The following ANKHD1 variants were observed in gnomAD, a reference collection of about 807,000 sequenced individuals.
The protein encoded by ANKHD1 is ankyrin repeat and KH domain containing 1, also known as ankyrin repeat and KH domain-containing protein 1.
A neutral mutation model predicts 230.5 loss-of-function variants in ANKHD1; 31 were observed. The observed-to-expected ratio is 0.13, with a 90% CI of 0.10 to 0.18. The LOEUF (loss-of-function observed/expected upper bound fraction) is 0.18, where lower values mean the gene tolerates loss of function less well. Among genes scored for constraint, ANKHD1 ranks in the 10% least tolerant of loss-of-function variants. The pLI is 1.00. For missense variants in ANKHD1, 2,256 were observed against 3,071.3 expected, an observed-to-expected ratio of 0.73 and a Z score of 6.27; for synonymous variants, 1,074 against 1,117.6, an observed-to-expected ratio of 0.96 and a Z score of 0.78.
At chr5:140,437,156 A>G (rs2126913031) in intron 2 of ANKHD1, among the ~76,000 whole-genome samples, 1 of 152,274 alleles carries the variant, frequency 6.6e-6, no homozygotes, top group South Asian at 2.1e-4. Flanking sequence ...CATATAATTT[A>G]TTGTGGGTAT....
intron 10 of ANKHD1, among the ~76,000 whole-genome samples, chr5:140,478,644 TTTTG>T (rs564695025): frequency 7.2e-4 from 109 of 152,274 alleles, no homozygotes; most frequent in Non-Finnish European, 1.1e-3. Flanking sequence ...TTTTGGGTTT[TTTTG>T]TTTGTTTGTT....
intron 10 of ANKHD1, among the ~76,000 whole-genome samples, chr5:140,474,151 A>G (rs944192567): frequency 1.3e-5 from 2 of 152,192 alleles, no homozygotes; most frequent in African/African-American, 4.8e-5. Flanking sequence ...AAAATGTGCT[A>G]AACACAAGCC....
At chr5:140,444,549 C>T (rs1191018615) in intron 5 of ANKHD1, among the ~76,000 whole-genome samples, 3 of 152,116 alleles carry the variant, frequency 2.0e-5, no homozygotes, top group Non-Finnish European at 2.9e-5. Context: ...CCTGCCTTTA[C>T]TTAATGCATT....
At chr5:140,500,977 T>C (rs1013135089) in intron 15 of ANKHD1, among the ~76,000 whole-genome samples, 1 of 152,124 alleles carries the variant, frequency 6.6e-6, no homozygotes, top group African/African-American at 2.4e-5. Context: ...TCTTTAACTC[T>C]GTAGTAGTGA....
chr5:140,499,810 AG>A (rs1399674585), intron 15 of ANKHD1, among the ~76,000 whole-genome samples: 2 of 152,180 alleles, frequency 1.3e-5, no homozygotes, highest in African/African-American at 4.8e-5. Context: ...AGTAATTTAA[AG>A]AAATTCAAAA....
rs987430918 is a variant in ANKHD1, at chr5:140,491,256, G to A, written c.2245+4196G>A. Among the ~76,000 whole-genome samples, 4 of 139,712 alleles carry A rather than the reference G, an allele frequency of 2.9e-5. No homozygotes were observed. The South Asian group carries it at 7.0e-4, about 24-fold the overall frequency. 91.7% of individuals were successfully genotyped at this position (139,712 alleles called of 152,430 possible). A position where few individuals can be genotyped will look rare whatever the true frequency, so the allele number is the denominator to read the frequency against. ...TCAGCTCACTGCAGCCCCAACCTCCGAGGTTCAAGCAATCCTCCTGCCTCA... is the reference window on the plus strand; with the variant it reads ...TCAGCTCACTGCAGCCCCAACCTCCAAGGTTCAAGCAATCCTCCTGCCTCA... On this transcript the variant is annotated intron_variant, in intron 14 of 33. Transcript: ENST00000360839.
intron 7 of ANKHD1, among the ~76,000 whole-genome samples, chr5:140,454,558 T>C (rs1775013090): frequency 6.6e-6 from 1 of 152,104 alleles, no homozygotes; most frequent in Non-Finnish European, 1.5e-5. Context: ...ATTAAGAAAC[T>C]CACTCAAAAC....
At chr5:140,441,968 C>T (rs1188455830) in intron 5 of ANKHD1, among the ~76,000 whole-genome samples, 2 of 150,932 alleles carry the variant, frequency 1.3e-5, no homozygotes, top group Non-Finnish European at 2.9e-5. Context: ...ATAGATAAAC[C>T]TGAGTGTTTA....
chr5:140,474,035 A>G (rs913137685), intron 10 of ANKHD1, among the ~76,000 whole-genome samples: 3 of 152,194 alleles, frequency 2.0e-5, no homozygotes, highest in Non-Finnish European at 4.4e-5. Flanking sequence ...ATTCTGCATC[A>G]TTGCTGAGTT....
intron 14 of ANKHD1, among the ~76,000 whole-genome samples, chr5:140,488,293 A>G (rs1414057898): frequency 2.6e-5 from 4 of 152,154 alleles, no homozygotes; most frequent in Non-Finnish European, 5.9e-5. Flanking sequence ...AATACTAAAT[A>G]AGAATCATTG....
intron 6 of ANKHD1, among the ~76,000 whole-genome samples, chr5:140,448,202 T>C (rs1471258191): frequency 6.6e-6 from 1 of 152,066 alleles, no homozygotes; most frequent in Non-Finnish European, 1.5e-5. Flanking sequence ...TCTCTTAAAG[T>C]GAGAAAGAAT....
intron 10 of ANKHD1, among the ~76,000 whole-genome samples, chr5:140,469,524 C>CA (rs1302695941): frequency 1.3e-5 from 2 of 151,334 alleles, no homozygotes; most frequent in Non-Finnish European, 3.0e-5. Context: ...AACAAACAAA[C>CA]AAAAAAAACT....
In ANKHD1 at chr5:140,485,589, G is replaced by A; in HGVS notation, c.1999G>A (p.Asp667Asn). 6.2e-7 allele frequency: 1 copy of A among 1,611,164 alleles called. No homozygotes were observed. The highest frequency in any genetic ancestry group is 8.5e-7 in the Non-Finnish European group (1 of 1,179,284). The change falls in exon 13 of 34, where the codon GAT becomes AAT. Residue 667 changes from aspartate (D) to asparagine (N), a missense_variant and splice_region_variant. Asp to Asn is a conservative substitution (Grantham distance 23, BLOSUM62 1). Coordinates refer to ENST00000360839, the MANE Select transcript of ANKHD1 (RefSeq NM_017747.3). The surrounding 1 kb of genome is among the most constrained non-coding windows in gnomAD (Gnocchi z 4.8). ...HGADPTHRLK[D>N]GSTMLIEAAK... Reference sequence around the variant, plus strand: ...AATTATCATGGCAATTCTTTTTCAGGATGGTTCAACAATGCTCATTGAAGC... The same window carrying A: ...AATTATCATGGCAATTCTTTTTCAGAATGGTTCAACAATGCTCATTGAAGC...
rs1222105751 is a variant in ANKHD1 at position 140,464,748 on chromosome 5, A to G, written c.1754A>G (p.Asp585Gly). The part of the protein sequence containing the change: ...ACENGHTDVA[D>G]VLLQAGADLE... ...GAAAATGGACATACGGATGTTGCAG[A>G]TGTTTTACTTCAAGCAGGGGCTGAT... The change falls in exon 10 of 34, where the codon GAT (aspartate) becomes GGT (glycine). Residue 585 changes from aspartate (D) to glycine (G), a missense_variant. By Grantham distance (94) the Asp-to-Gly change is moderately conservative. Around this residue, in one of 13 missense-constraint regions of ANKHD1, gnomAD observed 179 missense variants for 261.8 expected, o/e 0.68. Coordinates refer to ENST00000360839, the MANE Select transcript of ANKHD1 (RefSeq NM_017747.3). 6.2e-7 allele frequency: 1 copy of G among 1,607,942 alleles called. No homozygotes were observed. Among genetic ancestry groups the G allele is most frequent in the Non-Finnish European group, 8.5e-7 (1 of 1,175,628 alleles).
At chr5:140,536,836 C>T (rs1295318192) in intron 30 of ANKHD1, among the ~76,000 whole-genome samples, 2 of 152,042 alleles carry the variant, frequency 1.3e-5, no homozygotes, top group African/African-American at 4.8e-5. Flanking sequence ...CCAGCCTGAC[C>T]AACATGGAGA....
At chr5:140,495,286 C>G (rs1338897033) in intron 14 of ANKHD1, among the ~76,000 whole-genome samples, 1 of 142,286 alleles carries the variant, frequency 7.0e-6, no homozygotes, top group Admixed American at 7.3e-5. Flanking sequence ...GTCTCGCTCT[C>G]TCAGGCTGGA....
chr5:140,495,488 G>A (rs1314241867), intron 14 of ANKHD1, among the ~76,000 whole-genome samples: 2 of 151,862 alleles, frequency 1.3e-5, no homozygotes, highest in Admixed American at 6.6e-5. Flanking sequence ...CTTGTGATCC[G>A]CCTGCCTCTG....
At chr5:140,494,640 C>A (rs890701166) in intron 14 of ANKHD1, among the ~76,000 whole-genome samples, 3 of 152,094 alleles carry the variant, frequency 2.0e-5, no homozygotes, top group African/African-American at 7.2e-5. Context: ...GTTTTGAGAT[C>A]TCTATTCTAG....
chr5:140,480,848 C>A (rs1008194361), intron 10 of ANKHD1, among the ~76,000 whole-genome samples: 2 of 152,072 alleles, frequency 1.3e-5, no homozygotes, highest in Admixed American at 6.6e-5. Context: ...AAGACAAGAT[C>A]ATTCCTCTCA....
Sources: allele counts gnomAD v4.1 joint callset (sites outside exome capture counted in the v4.1 genomes callset), GRCh38; gene constraint gnomAD v4.1.1; regional missense constraint gnomAD v4.1.1; non-coding constraint Gnocchi (gnomAD v3.1); transcripts MANE v1.5; gene names NCBI Gene and HGNC (gene_info 2026-07-23, HGNC 2026-07-21).